Variants in CCDC125 observed in about 807,000 individuals in gnomAD.
The protein encoded by CCDC125 is coiled-coil domain-containing protein 125.
Under a neutral mutation model 57.4 loss-of-function variants are expected in CCDC125, and 43 were observed. That is an observed-to-expected ratio of 0.75 (90% CI 0.59 to 0.97). The LOEUF is 0.97. CCDC125 is among the 50% of genes least tolerant of loss of function. The probability of loss-of-function intolerance (pLI) is 0.00; values close to 1 mark genes in which losing one functional copy is unlikely to be tolerated. For missense variants in CCDC125, 563 were observed against 595.7 expected, an observed-to-expected ratio of 0.95 and a Z score of 0.57; for synonymous variants, 187 against 195.2, an observed-to-expected ratio of 0.96 and a Z score of 0.35.
intron 5 of CCDC125, among the ~76,000 whole-genome samples, chr5:69,307,192 T>G (rs1281679845): frequency 6.6e-6 from 1 of 152,050 alleles, no homozygotes; most frequent in Non-Finnish European, 1.5e-5. Context: ...CCACCTCCGC[T>G]GCATGTAGAG....
chr5:69,298,221 G>A lies in CCDC125; in HGVS notation c.816+1791C>T, dbSNP rs138139608. Among the ~76,000 whole-genome samples the A allele has an allele frequency of 9.3e-3, 1,414 of 151,946 alleles. 6 individuals carry two copies. Among genetic ancestry groups the A allele is most frequent in the African/African-American group, 0.01 (419 of 41,486 alleles). On this transcript the variant is annotated intron_variant, in intron 8 of 11. Transcript: ENST00000396496. ...AATAGAGACGGGGTTTCATCATGTTGGCCAGGATGGTCTTGATCTCCTGAC... is the reference window on the plus strand; with the variant it reads ...AATAGAGACGGGGTTTCATCATGTTAGCCAGGATGGTCTTGATCTCCTGAC...
At chr5:69,293,423 G>A (rs977267189) in intron 9 of CCDC125, among the ~76,000 whole-genome samples, 2 of 151,856 alleles carry the variant, frequency 1.3e-5, no homozygotes, top group African/African-American at 2.4e-5. Flanking sequence ...GGGCCAAGGC[G>A]GGTGGATCAC....
At chr5:69,319,946 C>T (rs939721083) in intron 2 of CCDC125, among the ~76,000 whole-genome samples, 11 of 151,994 alleles carry the variant, frequency 7.2e-5, no homozygotes, top group African/African-American at 2.7e-4. Context: ...GATGGTGAAA[C>T]CTCGCCTCTA....
At chr5:69,290,758 T>C (rs965307218) in intron 10 of CCDC125, among the ~76,000 whole-genome samples, 1 of 151,248 alleles carries the variant, frequency 6.6e-6, no homozygotes, top group Non-Finnish European at 1.5e-5. Flanking sequence ...GCCTCCCAAG[T>C]AGCTGGGACT....
At chr5:69,283,400 T>G (rs1301818335) in intron 11 of CCDC125, among the ~76,000 whole-genome samples, 1 of 151,940 alleles carries the variant, frequency 6.6e-6, no homozygotes, top group Admixed American at 6.6e-5. Context: ...TTTGCATTTT[T>G]TAGTAGAGAC....
downstream of CCDC125, among the ~76,000 whole-genome samples, chr5:69,277,759 GAC>G (rs1461016505): frequency 7.3e-6 from 1 of 137,772 alleles, no homozygotes; most frequent in African/African-American, 2.9e-5. Flanking sequence ...GACAGGGCAA[GAC>G]ACAGTCTCAA....
At position 69,300,123 on chromosome 5, in the gene CCDC125, C is replaced by T; in HGVS notation, c.705G>A (p.Leu235=). The change falls in exon 8 of 12, where the codon TTG becomes TTA. Residue 235 remains leucine (L), a synonymous_variant. Transcript: ENST00000396496. ...CGAGGGCCTCCAAATACCGTTGATT[C>T]AAAACTAGGAAGGGCCATATGAGAA... ...IKMLKSDNAV[L]NQRYLEALAM... 2 of 1,611,680 alleles carry T rather than the reference C, an allele frequency of 1.2e-6. No homozygotes were observed. The highest frequency in any genetic ancestry group is 2.2e-5 in the South Asian group (2 of 91,012).
At chr5:69,303,354 T>C (rs563014403) in intron 7 of CCDC125, among the ~76,000 whole-genome samples, 21 of 144,604 alleles carry the variant, frequency 1.5e-4, no homozygotes, top group African/African-American at 5.4e-4. Flanking sequence ...CTGGCAAGAA[T>C]TGTTCACTTT....
At chr5:69,329,154 T>A (rs973763233) in intron 1 of CCDC125, among the ~76,000 whole-genome samples, 1 of 151,752 alleles carries the variant, frequency 6.6e-6, no homozygotes, top group Non-Finnish European at 1.5e-5. Flanking sequence ...CTAAAATAGA[T>A]GTGTCAACGT....
At chr5:69,307,908 A>G (rs749402187) in intron 5 of CCDC125, 43 bp downstream of exon 5, 10 of 1,417,938 alleles carry the variant, frequency 7.1e-6, no homozygotes, top group Non-Finnish European at 1.0e-5. Context: ...TATATTTAAC[A>G]GCTTATTGGA....
chr5:69,273,832 C>G, the CCDC125 span, among the ~76,000 whole-genome samples: 4 of 152,030 alleles, frequency 2.6e-5, no homozygotes, highest in Non-Finnish European at 5.9e-5. Context: ...AATGCACTTG[C>G]TTGTATAAGC....
At chr5:69,300,612 T>C (rs1756238395) in intron 7 of CCDC125, among the ~76,000 whole-genome samples, 1 of 152,110 alleles carries the variant, frequency 6.6e-6, no homozygotes, top group Non-Finnish European at 1.5e-5. Context: ...CAGAAAACAG[T>C]ATCTTTTCCC....
intron 3 of CCDC125, among the ~76,000 whole-genome samples, chr5:69,311,709 C>T (rs561952171): frequency 2.0e-5 from 3 of 150,312 alleles, no homozygotes; most frequent in South Asian, 2.1e-4. Context: ...CCAGCTACTC[C>T]GGAGGCTGAG....
intron 9 of CCDC125, 55 bp from the exon 10 acceptor site, chr5:69,292,417 G>T: frequency 1.5e-6 from 2 of 1,324,428 alleles, no homozygotes; most frequent in Non-Finnish European, 2.2e-6. Context: ...AACAATTCTT[G>T]CTGAATGGGG....
intron 1 of CCDC125, among the ~76,000 whole-genome samples, chr5:69,324,090 T>C (rs752437589): frequency 1.3e-5 from 2 of 151,182 alleles, no homozygotes; most frequent in Non-Finnish European, 3.0e-5. Flanking sequence ...TGGAGATCTC[T>C]CTATTCTTCC....
intron 1 of CCDC125, among the ~76,000 whole-genome samples, chr5:69,326,480 C>G (rs925881743): frequency 7.2e-5 from 11 of 152,118 alleles, no homozygotes; most frequent in African/African-American, 2.7e-4. Flanking sequence ...ACCTCTAGTG[C>G]AGTAGACTCC....
At chr5:69,305,034 TA>T (rs527680073) in intron 6 of CCDC125, among the ~76,000 whole-genome samples, 172 of 133,816 alleles carry the variant, frequency 1.3e-3, no homozygotes, top group Middle Eastern at 3.9e-3. Flanking sequence ...ACAACTGCTC[TA>T]AAAAAAAAAA....
intron 5 of CCDC125, 21 bp downstream of exon 5, chr5:69,307,930 T>C (rs1410138219): frequency 1.3e-6 from 2 of 1,583,082 alleles, no homozygotes; most frequent in South Asian, 2.2e-5. Context: ...TCAATAAGTC[T>C]ACACTAAAAG....
At chr5:69,328,834 C>A (rs1761050142) in intron 1 of CCDC125, among the ~76,000 whole-genome samples, 2 of 151,366 alleles carry the variant, frequency 1.3e-5, no homozygotes, top group Non-Finnish European at 2.9e-5. Context: ...CGCTTTGTCA[C>A]CCAGGCTGGA....
Sources: allele counts gnomAD v4.1 joint callset (sites outside exome capture counted in the v4.1 genomes callset), GRCh38; gene constraint gnomAD v4.1.1; transcripts MANE v1.5; gene names NCBI Gene and HGNC (gene_info 2026-07-23, HGNC 2026-07-21).